ADAMTS18: variants seen among roughly 807,000 people sequenced by gnomAD.
The protein encoded by ADAMTS18 is ADAM metallopeptidase with thrombospondin type 1 motif 18.
A neutral mutation model predicts 165.9 loss-of-function variants in ADAMTS18; 157 were observed. The observed-to-expected ratio is 0.95, with a 90% confidence interval of 0.83 to 1.08. The LOEUF is 1.08. ADAMTS18 is among the 50% of genes least tolerant of loss of function. The pLI is 0.00. For missense variants in ADAMTS18, 2,040 were observed against 1,534.0 expected (o/e 1.33, Z -5.51); for synonymous variants, 782 against 578.2 (o/e 1.35, Z -5.06).
At chr16:77,316,536 A>G (rs992760223) in intron 16 of ADAMTS18, among the ~76,000 whole-genome samples, 10 of 152,094 alleles carry the variant, frequency 6.6e-5, no homozygotes, top group African/African-American at 2.2e-4. Context: ...ACTCCTTACC[A>G]TGGTTTGTAT....
rs372056023 is a variant in ADAMTS18 at position 77,426,360 on chromosome 16, C to A, written c.495+4935G>T. 7.2e-5 allele frequency among the ~76,000 whole-genome samples: 11 copies of A among 152,174 alleles called. No individual in the cohort carries two copies. In the East Asian group the frequency reaches 1.4e-3, roughly 19 times the overall value. On this transcript the variant is annotated intron_variant, in intron 3 of 22. Coordinates refer to ENST00000282849, the MANE Select transcript of ADAMTS18 (RefSeq NM_199355.4). ...GATGCTCCTTGGAAAAAAAAAATTTCATTGGCCAAAGAAGTTAGGGAAACT... is the reference window on the plus strand; with the variant it reads ...GATGCTCCTTGGAAAAAAAAAATTTAATTGGCCAAAGAAGTTAGGGAAACT...
At chr16:77,393,935 G>T (rs542813402) in intron 3 of ADAMTS18, among the ~76,000 whole-genome samples, 1 of 152,186 alleles carries the variant, frequency 6.6e-6, no homozygotes. Context: ...TTACTTAGCC[G>T]GGATGTACAC....
In ADAMTS18 at chr16:77,314,649, G is replaced by GTGTGTGTATATA. The variant is rs10527824; in HGVS notation, c.2532+5199_2532+5200insTATATACACACA. On this transcript the variant is annotated intron_variant, in intron 16 of 22. Transcript: ENST00000282849. ...AATGTGTGTGTATGTGTGTGTGTGTGTATATATATATATGTACATATATAC... is the reference window on the plus strand; with the variant it reads ...AATGTGTGTGTATGTGTGTGTGTGTGTGTGTGTATATATATATATATATATGTACATATATAC... Among the ~76,000 whole-genome samples, 683 of 126,476 alleles carry GTGTGTGTATATA rather than the reference G, an allele frequency of 5.4e-3. 16 individuals are homozygous for GTGTGTGTATATA. The highest frequency in any genetic ancestry group is 0.019 in the African/African-American group (607 of 32,108). The allele number at this position is 126,476 out of a possible 152,430, so 83.0% of individuals were successfully genotyped here.
chr16:77,304,872 T>G (rs1428990277), intron 16 of ADAMTS18, among the ~76,000 whole-genome samples: 2 of 152,250 alleles, frequency 1.3e-5, no homozygotes, highest in Middle Eastern at 3.2e-3. Context: ...ATAGTTTATT[T>G]CCTTAACATA....
At chr16:77,363,650 A>G (rs1436235073) in intron 6 of ADAMTS18, 152 bp downstream of exon 6, 1 of 607,750 alleles carries the variant, frequency 1.6e-6, no homozygotes, top group African/African-American at 1.8e-5. Flanking sequence ...TGATTACACA[A>G]TCTTTTAAAA....
At position 77,297,334 on chromosome 16, in the gene ADAMTS18, G is replaced by A. The variant is rs770657684; in HGVS notation, c.2756C>T (p.Pro919Leu). 139 of 1,613,984 alleles carry A rather than the reference G, an allele frequency of 8.6e-5. No individual in the cohort carries two copies. The South Asian group carries it at 1.4e-3, about 17-fold the overall frequency. ...GTTGCAGATTTTGGGCTCAGTTACT[G>A]GCTTGGTTTTTGCACTGCAGAATGA... is the stretch of plus-strand genomic sequence containing the variant. Reference protein sequence around the residue: ...NSSFCSAKTKPVTEPKICNAF... With the variant: ...NSSFCSAKTKLVTEPKICNAF... Residue 919 changes from proline to leucine, a missense_variant, in exon 18 of 23, where the codon CCA becomes CTA. Transcript: ENST00000282849.
At chr16:77,332,749 C>T (rs13335670) in intron 12 of ADAMTS18, among the ~76,000 whole-genome samples, 8 of 152,142 alleles carry the variant, frequency 5.3e-5, no homozygotes, top group Admixed American at 1.3e-4. Context: ...GTTCAGACTC[C>T]AGTATGACCA....
chr16:77,428,865 T>C (rs1223601115), intron 3 of ADAMTS18, among the ~76,000 whole-genome samples: 1 of 152,176 alleles, frequency 6.6e-6, no homozygotes, highest in Admixed American at 6.5e-5. Flanking sequence ...AAGGAATAAC[T>C]CAATTTATAC....
At position 77,282,918 on chromosome 16, in the gene ADAMTS18, T is replaced by A. The variant is rs2055175798; in HGVS notation, c.*1038A>T. The stretch of plus-strand genomic sequence containing the variant: ...CCTTTCTTTCTCTCTTTTTTTTTTT[T>A]TTTTTTTTGCTGTTAGCTCAATCCT... On this transcript the variant is annotated 3_prime_UTR_variant, in exon 23 of 23. Coordinates refer to ENST00000282849, the MANE Select transcript of ADAMTS18 (RefSeq NM_199355.4). 6.8e-6 allele frequency: 1 copy of A among 147,530 alleles called. No individual in the cohort carries two copies. Among genetic ancestry groups the A allele is most frequent in the Admixed American group, 6.8e-5 (1 of 14,768 alleles). The allele number at this position is 147,530 out of a possible 1,614,324, so 9.1% of individuals were successfully genotyped here.
At chr16:77,317,526 G>A (rs2055909519) in intron 16 of ADAMTS18, among the ~76,000 whole-genome samples, 1 of 152,186 alleles carries the variant, frequency 6.6e-6, no homozygotes, top group South Asian at 2.1e-4. Flanking sequence ...TAGAGATGGG[G>A]TTCCGCCACG....
chr16:77,328,165 C>T (rs1267121635), intron 12 of ADAMTS18, among the ~76,000 whole-genome samples: 1 of 152,002 alleles, frequency 6.6e-6, no homozygotes, highest in African/African-American at 2.4e-5. Flanking sequence ...AGATTCTAAT[C>T]TGCAAAAACC....
At chr16:77,300,100 A>C in intron 17 of ADAMTS18, 163 bp downstream of exon 17, 2 of 788,976 alleles carry the variant, frequency 2.5e-6, no homozygotes, top group East Asian at 5.4e-5. Context: ...CACATAGGAA[A>C]ACCCTTAACT....
At chr16:77,382,888 C>T (rs1461474201) in intron 3 of ADAMTS18, among the ~76,000 whole-genome samples, 2 of 152,134 alleles carry the variant, frequency 1.3e-5, no homozygotes, top group African/African-American at 4.8e-5. Flanking sequence ...CGTCAGCATC[C>T]TTGGAAAGCG....
At chr16:77,309,811 T>C (rs1352365131) in intron 16 of ADAMTS18, among the ~76,000 whole-genome samples, 2 of 152,254 alleles carry the variant, frequency 1.3e-5, no homozygotes, top group South Asian at 2.1e-4. Flanking sequence ...AAAGGGCAAA[T>C]TGCTATTCAT....
intron 12 of ADAMTS18, among the ~76,000 whole-genome samples, chr16:77,328,877 A>G (rs1241386696): frequency 6.6e-6 from 1 of 152,232 alleles, no homozygotes; most frequent in Admixed American, 6.5e-5. Context: ...AGTGAGAACC[A>G]GCTGACAAGA....
rs555945097 is a variant in ADAMTS18, at chr16:77,393,414, C to G, written c.496-25691G>C. On this transcript the variant is annotated intron_variant, in intron 3 of 22. Transcript: ENST00000282849. Reference sequence around the variant, plus strand: ...GAACGAATGGACAGGGTTCTAAACCCTGAGCTGACATACAGACTAGCTGCT... The same window carrying G: ...GAACGAATGGACAGGGTTCTAAACCGTGAGCTGACATACAGACTAGCTGCT... Among the ~76,000 whole-genome samples the G allele has an allele frequency of 1.3e-4, 20 of 152,312 alleles. No individual in the cohort carries two copies. In the South Asian group the frequency reaches 3.7e-3, roughly 28 times the overall value.
At chr16:77,385,759 G>A (rs2057098140) in intron 3 of ADAMTS18, among the ~76,000 whole-genome samples, 1 of 152,196 alleles carries the variant, frequency 6.6e-6, no homozygotes, top group Non-Finnish European at 1.5e-5. Context: ...TCTCCCAGGG[G>A]TGGGGTGGAA....
Position 77,380,194 on chromosome 16 carries a change from T to A in ADAMTS18, c.496-12471A>T, listed in dbSNP as rs570682650. 2.0e-3 allele frequency among the ~76,000 whole-genome samples: 311 copies of A among 152,324 alleles called. 2 individuals are homozygous for A. Among genetic ancestry groups the A allele is most frequent in the African/African-American group, 7.0e-3 (291 of 41,568 alleles). ...GGCTCCAGAACAACATTAACTAACA[T>A]GACTTTGACTATATGCAGTGGTTTA... On this transcript the variant is annotated intron_variant, in intron 3 of 22. Coordinates refer to ENST00000282849, the MANE Select transcript of ADAMTS18 (RefSeq NM_199355.4).
intron 13 of ADAMTS18, among the ~76,000 whole-genome samples, chr16:77,324,162 G>A (rs1279465644): frequency 6.6e-6 from 1 of 152,158 alleles, no homozygotes; most frequent in Non-Finnish European, 1.5e-5. Context: ...CAAAAGCAAA[G>A]AACAGAAGAG....
Sources: gnomAD v4.1 joint callset for allele counts (sites outside exome capture counted in the v4.1 genomes callset) on GRCh38, gnomAD v4.1.1 for gene constraint, MANE v1.5 for transcripts, NCBI Gene and HGNC (gene_info 2026-07-23, HGNC 2026-07-21) for gene names.